NEURL1B: variants seen among roughly 807,000 people sequenced by gnomAD.
The protein encoded by NEURL1B is E3 ubiquitin-protein ligase NEURL1B.
NEURL1B carries 13 observed loss-of-function variants against 37.4 expected under a neutral mutation model. That is an observed-to-expected ratio of 0.35 (90% confidence interval 0.23 to 0.55). NEURL1B has a LOEUF of 0.55. NEURL1B is among the 20% of genes least tolerant of loss of function. The probability of loss-of-function intolerance (pLI) is 0.89; values close to 1 mark genes in which losing one functional copy is unlikely to be tolerated. For missense variants in NEURL1B, 790 were observed against 879.2 expected, an observed-to-expected ratio of 0.90 and a Z score of 1.28; for synonymous variants, 432 against 426.6, an observed-to-expected ratio of 1.01 and a Z score of -0.16.
rs893870478 is a variant in NEURL1B, at chr5:172,641,472, C to A, written c.31+35C>A. 14 of 1,285,270 alleles carry A rather than the reference C, an allele frequency of 1.1e-5. No homozygotes were observed. In the African/African-American group the frequency reaches 2.2e-4, roughly 20 times the overall value. 79.6% of individuals were successfully genotyped at this position (1,285,270 alleles called of 1,614,324 possible). ...GGAGCCCTGCCCGGGAGGCGGGCGC[C>A]GGGCTTCTCTCCTCCGGGGGACCCG... is the stretch of plus-strand genomic sequence containing the variant. On this transcript the variant is annotated intron_variant, in intron 1 of 4. Coordinates refer to ENST00000369800, the MANE Select transcript of NEURL1B (RefSeq NM_001142651.3). This position sits in a 1 kb window ranked among gnomAD's most constrained non-coding sequence, Gnocchi z 6.4.
At chr5:172,681,340 TTG>T (rs1232807738) in intron 2 of NEURL1B, among the ~76,000 whole-genome samples, 1 of 152,236 alleles carries the variant, frequency 6.6e-6, no homozygotes, top group Non-Finnish European at 1.5e-5. Context: ...TATTAATATT[TTG>T]TCTCTCCATC....
rs1206188159 is a variant in NEURL1B, at chr5:172,688,270, CCTGT to C, written c.*1348_*1351del. On this transcript the variant is annotated 3_prime_UTR_variant, in exon 5 of 5. Transcript: ENST00000369800. This position sits in a 1 kb window ranked among gnomAD's most constrained non-coding sequence, Gnocchi z 4.3. Reference sequence around the variant, plus strand: ...CTGTCCCATTAGGGAAGTCCCTTGGCCTGTCTATTTTTCAGTTCCCAATTAGAAG... The same window carrying C: ...CTGTCCCATTAGGGAAGTCCCTTGGCCTATTTTTCAGTTCCCAATTAGAAG... 1 of 152,810 alleles carries C rather than the reference CCTGT, an allele frequency of 6.5e-6. No individual in the cohort carries two copies. Among genetic ancestry groups the C allele is most frequent in the Non-Finnish European group, 1.5e-5 (1 of 68,144 alleles). 9.5% of individuals were successfully genotyped at this position (152,810 alleles called of 1,614,324 possible).
rs1305674292 is a variant in NEURL1B at position 172,686,274 on chromosome 5, C to T, written c.1401C>T (p.Ser467=). 14 of 1,551,596 alleles carry T rather than the reference C, an allele frequency of 9.0e-6. No individual in the cohort carries two copies. Among genetic ancestry groups the T allele is most frequent in the Non-Finnish European group, 1.2e-5 (14 of 1,147,002 alleles). The change falls in exon 4 of 5, where the codon TCC becomes TCT. Residue 467 remains serine (S), a synonymous_variant. Transcript: ENST00000369800. The surrounding 1 kb of genome is among the most constrained non-coding windows in gnomAD (Gnocchi z 7.9). ...TGACCTTCAGTGTCAACCAGTCCTC[C>T]TCGGCATCTGAGTCATCCCTGGGTA... ...SDMTFSVNQS[S]SASESSLVTA... is the part of the protein sequence containing the mutation.
rs758227510 is a variant in NEURL1B at position 172,687,978 on chromosome 5, G to A, written c.*1053G>A. ...CTTTTGGTCTTTGTTCTGATTCTCA[G>A]TGTATCTTCCTCCGCTGGTTACTAA... On this transcript the variant is annotated 3_prime_UTR_variant, in exon 5 of 5. Transcript: ENST00000369800. The A allele has an allele frequency of 2.6e-5, 4 of 152,642 alleles. No homozygotes were observed. Among genetic ancestry groups the A allele is most frequent in the Non-Finnish European group, 5.9e-5 (4 of 68,046 alleles). The allele number at this position is 152,642 out of a possible 1,614,324, so 9.5% of individuals were successfully genotyped here.
intron 1 of NEURL1B, among the ~76,000 whole-genome samples, chr5:172,645,202 A>G (rs1323612543): frequency 2.0e-5 from 3 of 152,088 alleles, no homozygotes; most frequent in Non-Finnish European, 4.4e-5. Flanking sequence ...ATTTATCCCC[A>G]TTTTACAGGG....
rs373999027 is a variant in NEURL1B at position 172,649,957 on chromosome 5, C to G, written c.31+8520C>G. On this transcript the variant is annotated intron_variant, in intron 1 of 4. Transcript: ENST00000369800. ...CACCCAGAGCTGGCCGCTAGCCTCA[C>G]TTCTAGGCAAGGGGGGGAAAGTTCT... is the stretch of plus-strand genomic sequence containing the variant. Among the ~76,000 whole-genome samples the G allele has an allele frequency of 1.8e-4, 27 of 149,028 alleles. 1 individual carries two copies. Among genetic ancestry groups the G allele is most frequent in the African/African-American group, 6.5e-4 (27 of 41,402 alleles).
In NEURL1B at chr5:172,661,743, C is replaced by T. The variant is rs547097645; in HGVS notation, c.32-8042C>T. On this transcript the variant is annotated intron_variant, in intron 1 of 4. Coordinates refer to ENST00000369800, the MANE Select transcript of NEURL1B (RefSeq NM_001142651.3). The surrounding 1 kb of genome is among the most constrained non-coding windows in gnomAD (Gnocchi z 4.0). ...TGCGGAACTCCAGCAGGCTGGAAGCCGGCGTCTCGGGGCCAGAGTATCGGG... is the reference window on the plus strand; with the variant it reads ...TGCGGAACTCCAGCAGGCTGGAAGCTGGCGTCTCGGGGCCAGAGTATCGGG... 1.4e-4 allele frequency among the ~76,000 whole-genome samples: 21 copies of T among 152,364 alleles called. No individual in the cohort carries two copies. The highest frequency in any genetic ancestry group is 4.1e-4 in the South Asian group (2 of 4,830).
At position 172,674,405 on chromosome 5, in the gene NEURL1B, G is replaced by C. The variant is rs149692428; in HGVS notation, c.577+4075G>C. Reference sequence around the variant, plus strand: ...CTGCATCTATGGGGCCAGACCGTGGGGTGCCCTTTCTAGGTAAAGAATCCA... The same window carrying C: ...CTGCATCTATGGGGCCAGACCGTGGCGTGCCCTTTCTAGGTAAAGAATCCA... On this transcript the variant is annotated intron_variant, in intron 2 of 4. Coordinates refer to ENST00000369800, the MANE Select transcript of NEURL1B (RefSeq NM_001142651.3). Among the ~76,000 whole-genome samples, 688 of 152,196 alleles carry C rather than the reference G, an allele frequency of 4.5e-3. 6 individuals carry two copies. Among genetic ancestry groups the C allele is most frequent in the Non-Finnish European group, 7.8e-3 (530 of 68,004 alleles).
At chr5:172,660,101 A>G (rs1757866729) in intron 1 of NEURL1B, among the ~76,000 whole-genome samples, 1 of 152,180 alleles carries the variant, frequency 6.6e-6, no homozygotes, top group African/African-American at 2.4e-5. Flanking sequence ...TGAAGGAGGA[A>G]GTGATGTACT....
chr5:172,685,969 A>G (rs1758486132), intron 3 of NEURL1B, among the ~76,000 whole-genome samples: 2 of 152,178 alleles, frequency 1.3e-5, no homozygotes, highest in South Asian at 4.1e-4. Context: ...TGTTTCTGAA[A>G]GAGAAGAGAA....
At position 172,682,568 on chromosome 5, in the gene NEURL1B, C is replaced by T. The variant is rs969099843; in HGVS notation, c.578-851C>T. On this transcript the variant is annotated intron_variant, in intron 2 of 4. Transcript: ENST00000369800. The stretch of plus-strand genomic sequence containing the variant: ...TCCAGCCTGGGTGACAAGAGCGGAA[C>T]TCTATCTCAAAAAAAAAAAATTTCT... Among the ~76,000 whole-genome samples, 4 of 152,056 alleles carry T rather than the reference C, an allele frequency of 2.6e-5. No individual in the cohort carries two copies. The East Asian group carries it at 5.8e-4, about 22-fold the overall frequency.
intron 3 of NEURL1B, among the ~76,000 whole-genome samples, chr5:172,685,681 C>T (rs1055642360): frequency 3.9e-5 from 6 of 152,264 alleles, no homozygotes; most frequent in Non-Finnish European, 8.8e-5. Context: ...CTTTCCAACT[C>T]AAAGCTCTGC....
At chr5:172,684,451 CGGCTTA>C (rs1758443018) in intron 3 of NEURL1B, among the ~76,000 whole-genome samples, 2 of 152,074 alleles carry the variant, frequency 1.3e-5, no homozygotes, top group African/African-American at 4.8e-5. Flanking sequence ...GATAGGTAAC[CGGCTTA>C]TCTCCGAGCT....
chr5:172,670,183 C>T lies in NEURL1B; in HGVS notation c.430C>T (p.Leu144=). The T allele has an allele frequency of 1.4e-6, 2 of 1,479,142 alleles. No individual in the cohort carries two copies. The highest frequency in any genetic ancestry group is 2.6e-5 in the South Asian group (2 of 76,742). 91.6% of individuals were successfully genotyped at this position (1,479,142 alleles called of 1,614,324 possible). ...GAACCTGGCGCTGCGCGACACGGTG[C>T]TGGCCTACTGGGCCGACCGCCACGG... ...PENLALRDTV[L]AYWADRHGRV... is the part of the protein sequence containing the mutation. The change falls in exon 2 of 5, where the codon CTG becomes TTG. Residue 144 remains leucine, a synonymous_variant. Coordinates refer to ENST00000369800, the MANE Select transcript of NEURL1B (RefSeq NM_001142651.3).
chr5:172,660,770 GC>G (rs1561644666), intron 1 of NEURL1B, among the ~76,000 whole-genome samples: 1 of 152,108 alleles, frequency 6.6e-6, no homozygotes, highest in Non-Finnish European at 1.5e-5. Flanking sequence ...CCTCCAAGTA[GC>G]TGGGATTACA....
chr5:172,671,725 C>A (rs1465458411), intron 2 of NEURL1B, among the ~76,000 whole-genome samples: 1 of 152,244 alleles, frequency 6.6e-6, no homozygotes, highest in African/African-American at 2.4e-5. Flanking sequence ...CTGTTTCTGG[C>A]TTTTCAGCCC....
In NEURL1B at chr5:172,642,743, T is replaced by G. The variant is rs186835345; in HGVS notation, c.31+1306T>G. Among the ~76,000 whole-genome samples, 177 of 152,328 alleles carry G rather than the reference T, an allele frequency of 1.2e-3. 6 individuals carry two copies. In the East Asian group the frequency reaches 0.032, roughly 28 times the overall value. On this transcript the variant is annotated intron_variant, in intron 1 of 4. Coordinates refer to ENST00000369800, the MANE Select transcript of NEURL1B (RefSeq NM_001142651.3). ...CGTTCAAATTCCCAGAGAGCTGTAATCATCAGCAGAGTCACCAGCTAGTCA... is the reference window on the plus strand; with the variant it reads ...CGTTCAAATTCCCAGAGAGCTGTAAGCATCAGCAGAGTCACCAGCTAGTCA...
Position 172,669,934 on chromosome 5 carries a change from C to T in NEURL1B, c.181C>T (p.Arg61Trp). 2 of 1,454,864 alleles carry T rather than the reference C, an allele frequency of 1.4e-6. No individual in the cohort carries two copies. Among genetic ancestry groups the T allele is most frequent in the Admixed American group, 2.8e-5 (1 of 35,742 alleles). 90.1% of individuals were successfully genotyped at this position (1,454,864 alleles called of 1,614,324 possible). A position where few individuals can be genotyped will look rare whatever the true frequency, so the allele number is the denominator to read the frequency against. The part of the protein sequence containing the change: ...RLDGHSRRAT[R>W]RNSFCNGVTF... ...GGACGGCCACTCGCGCCGGGCCACA[C>T]GGCGCAACAGCTTCTGCAATGGCGT... Residue 61 changes from arginine to tryptophan, a missense_variant, in exon 2 of 5, where the codon CGG (arginine) becomes TGG (tryptophan). Transcript: ENST00000369800.
intron 2 of NEURL1B, among the ~76,000 whole-genome samples, chr5:172,673,669 G>A (rs923529289): frequency 1.3e-5 from 2 of 152,116 alleles, no homozygotes; most frequent in Non-Finnish European, 2.9e-5. Flanking sequence ...CATGAACACA[G>A]CTCACTGCAG....
Sources: gnomAD v4.1 joint callset for allele counts (sites outside exome capture counted in the v4.1 genomes callset) on GRCh38, gnomAD v4.1.1 for gene constraint, Gnocchi (gnomAD v3.1) non-coding constraint, MANE v1.5 for transcripts, NCBI Gene and HGNC (gene_info 2026-07-23, HGNC 2026-07-21) for gene names.